NUSAP1: variants seen among roughly 807,000 people sequenced by gnomAD.
NUSAP1 encodes the protein nucleolar and spindle-associated protein 1.
NUSAP1 carries 32 observed loss-of-function variants against 52.8 expected under a neutral mutation model. The ratio of observed to expected loss-of-function variants is 0.61; its 90% confidence interval spans 0.46 to 0.81. The LOEUF is 0.81. Ranked by LOEUF, NUSAP1 falls within the 40% of genes least tolerant of loss-of-function variation. The pLI, the probability that NUSAP1 is intolerant of heterozygous loss-of-function variation, is 0.00. For missense variants in NUSAP1, 499 were observed against 522.3 expected, an observed-to-expected ratio of 0.96 and a Z score of 0.43; for synonymous variants, 195 against 183.1, an observed-to-expected ratio of 1.06 and a Z score of -0.52.
At chr15:41,343,296 A>G (rs946132041) in intron 2 of NUSAP1, 2 of 152,212 alleles carry the variant, frequency 1.3e-5, no homozygotes, top group Non-Finnish European at 2.9e-5. Flanking sequence ...GATTTTTGAT[A>G]AGGCATGACT....
chr15:41,354,483 C>T (rs1029859709), intron 4 of NUSAP1, among the ~76,000 whole-genome samples: 1 of 151,850 alleles, frequency 6.6e-6, no homozygotes, highest in Admixed American at 6.6e-5. Flanking sequence ...CCATCCTGGG[C>T]GACAGTGTGA....
intron 6 of NUSAP1, among the ~76,000 whole-genome samples, chr15:41,360,720 G>T (rs1200800044): frequency 6.6e-6 from 1 of 151,630 alleles, no homozygotes; most frequent in Non-Finnish European, 1.5e-5. Context: ...GCCTCCCAAA[G>T]TGCTGGGATT....
At chr15:41,351,377 G>A (rs183756381) in intron 4 of NUSAP1, among the ~76,000 whole-genome samples, 33 of 152,248 alleles carry the variant, frequency 2.2e-4, no homozygotes, top group African/African-American at 5.8e-4. Context: ...GATGGCTGTC[G>A]ACGCTTGGTG....
At chr15:41,364,357 C>T (rs2049301826) in intron 6 of NUSAP1, among the ~76,000 whole-genome samples, 1 of 151,798 alleles carries the variant, frequency 6.6e-6, no homozygotes, top group Non-Finnish European at 1.5e-5. Context: ...ACCAGCCTGG[C>T]CAACACAGTG....
At chr15:41,351,821 C>T (rs1356868991) in intron 4 of NUSAP1, 1 of 152,098 alleles carries the variant, frequency 6.6e-6, no homozygotes, top group Admixed American at 6.6e-5. Flanking sequence ...GTCATTTTAA[C>T]CTTAATACAT....
intron 10 of NUSAP1, among the ~76,000 whole-genome samples, 172 bp downstream of exon 10, chr15:41,377,476 G>C (rs759576441): frequency 8.0e-4 from 122 of 152,052 alleles, no homozygotes; most frequent in Non-Finnish European, 1.4e-3. Context: ...GAGGTGGGCG[G>C]AACACGAGGT....
At chr15:41,340,423 C>A (rs892171924) in intron 1 of NUSAP1, among the ~76,000 whole-genome samples, 2 of 152,118 alleles carry the variant, frequency 1.3e-5, no homozygotes, top group African/African-American at 4.8e-5. Context: ...GTAACTGTTT[C>A]ACCTCTGCTA....
intron 8 of NUSAP1, among the ~76,000 whole-genome samples, chr15:41,373,672 ACT>A (rs1595603175): frequency 6.7e-6 from 1 of 150,326 alleles, no homozygotes; most frequent in East Asian, 2.0e-4. Context: ...TTGGTCTTGA[ACT>A]CCTGACCTCG....
chr15:41,377,815 C>CAAG, intron 10 of NUSAP1, among the ~76,000 whole-genome samples: 1 of 150,724 alleles, frequency 6.6e-6, no homozygotes, highest in Non-Finnish European at 1.5e-5. Context: ...TCCTGGCTAA[C>CAAG]GCATTGAAAC....
intron 3 of NUSAP1, 116 bp downstream of exon 3, chr15:41,349,357 G>GCACA: frequency 9.5e-7 from 1 of 1,051,402 alleles, no homozygotes; most frequent in Non-Finnish European, 1.4e-6. Context: ...GTTACTGTGT[G>GCACA]CTGTAAGCTC....
At chr15:41,341,479 C>A (rs1047548033) in intron 1 of NUSAP1, among the ~76,000 whole-genome samples, 1 of 152,072 alleles carries the variant, frequency 6.6e-6, no homozygotes, top group Non-Finnish European at 1.5e-5. Context: ...GTGTTCCCTT[C>A]CCCCGGCAGA....
intron 4 of NUSAP1, among the ~76,000 whole-genome samples, chr15:41,353,760 T>C (rs1228100814): frequency 6.6e-6 from 1 of 152,170 alleles, no homozygotes; most frequent in Non-Finnish European, 1.5e-5. Flanking sequence ...GACTCATAGC[T>C]CTATAGCATA....
At chr15:41,343,912 G>A (rs2048459704) in intron 2 of NUSAP1, among the ~76,000 whole-genome samples, 1 of 151,738 alleles carries the variant, frequency 6.6e-6, no homozygotes, top group South Asian at 2.1e-4. Flanking sequence ...CATGATTGTA[G>A]TGCCATTTGA....
At chr15:41,349,327 T>G in intron 3 of NUSAP1, 86 bp downstream of exon 3, 1 of 1,300,680 alleles carries the variant, frequency 7.7e-7, no homozygotes, top group Non-Finnish European at 1.1e-6. Context: ...AATTCCCATG[T>G]GATGTCATGT....
At chr15:41,351,231 C>A in intron 4 of NUSAP1, 102 bp downstream of exon 4, 1 of 1,186,738 alleles carries the variant, frequency 8.4e-7, no homozygotes, top group South Asian at 1.6e-5. Context: ...CAAAGCACCA[C>A]AACTGGGCAG....
intron 6 of NUSAP1, among the ~76,000 whole-genome samples, chr15:41,363,520 A>AT (rs2049270708): frequency 6.6e-6 from 1 of 151,900 alleles, no homozygotes; most frequent in South Asian, 2.1e-4. Context: ...GACAATAGTC[A>AT]TGCACTACTA....
chr15:41,368,519 C>G (rs1202119635), intron 7 of NUSAP1, among the ~76,000 whole-genome samples: 1 of 152,028 alleles, frequency 6.6e-6, no homozygotes, highest in Admixed American at 6.6e-5. Context: ...CCCATTGATC[C>G]CTGTTTTTGT....
intron 6 of NUSAP1, among the ~76,000 whole-genome samples, chr15:41,363,365 A>C (rs1244776276): frequency 2.7e-5 from 4 of 149,922 alleles, no homozygotes; most frequent in Non-Finnish European, 5.9e-5. Context: ...TTTTTATATA[A>C]AATTATATAC....
At chr15:41,376,414 G>A (rs937529530) in intron 9 of NUSAP1, among the ~76,000 whole-genome samples, 7 of 150,410 alleles carry the variant, frequency 4.7e-5, no homozygotes, top group African/African-American at 1.2e-4. Flanking sequence ...CAGGCTGGGC[G>A]CGGTGGCTCA....
Sources: gnomAD v4.1 joint callset for allele counts (sites outside exome capture counted in the v4.1 genomes callset) on GRCh38, gnomAD v4.1.1 for gene constraint, MANE v1.5 for transcripts, NCBI Gene and HGNC (gene_info 2026-07-23, HGNC 2026-07-21) for gene names.